ABLIM2: variants seen among roughly 807,000 people sequenced by gnomAD.
ABLIM2 encodes the protein actin binding LIM protein family member 2.
Under a neutral mutation model 97.7 loss-of-function variants are expected in ABLIM2, and 53 were observed. That is an observed-to-expected ratio of 0.54 (90% confidence interval 0.44 to 0.68). ABLIM2 has a LOEUF of 0.68. Among genes scored for constraint, ABLIM2 ranks in the 30% least tolerant of loss-of-function variants. ABLIM2 has a pLI of 0.00. For missense variants in ABLIM2, 835 were observed against 867.2 expected, an observed-to-expected ratio of 0.96 and a Z score of 0.47; for synonymous variants, 361 against 345.8, an observed-to-expected ratio of 1.04 and a Z score of -0.49.
intron 1 of ABLIM2, among the ~76,000 whole-genome samples, chr4:8,126,899 C>T (rs1848217000): frequency 6.6e-6 from 1 of 152,008 alleles, no homozygotes; most frequent in African/African-American, 2.4e-5. Flanking sequence ...GACCCCGTCT[C>T]TACTAAAAAA....
At chr4:7,981,958 C>T (rs977572961) in intron 20 of ABLIM2, among the ~76,000 whole-genome samples, 3 of 152,188 alleles carry the variant, frequency 2.0e-5, no homozygotes, top group Non-Finnish European at 2.9e-5. Flanking sequence ...TCAGGGGCTT[C>T]CCCGGGCCTG....
rs913693950 is a variant in ABLIM2, at chr4:8,004,319, C to A, written c.1618+3740G>T. Among the ~76,000 whole-genome samples, 1 of 152,174 alleles carries A rather than the reference C, an allele frequency of 6.6e-6. No homozygotes were observed. Among genetic ancestry groups the A allele is most frequent in the Non-Finnish European group, 1.5e-5 (1 of 68,040 alleles). On this transcript the variant is annotated intron_variant, in intron 16 of 20. Transcript: ENST00000447017. The surrounding 1 kb of genome is among the most constrained non-coding windows in gnomAD (Gnocchi z 5.9). ...CAGGTTGGGGGTGAAGTGCCCCCAA[C>A]TGGGGCCTCCCCTGTGCTGCTGCAG...
chr4:8,036,102 G>C, intron 10 of ABLIM2, 47 bp downstream of exon 10: 1 of 1,603,356 alleles, frequency 6.2e-7, no homozygotes, highest in South Asian at 1.1e-5. Flanking sequence ...CTGCAGGGCA[G>C]CACTTGGGGA....
intron 10 of ABLIM2, among the ~76,000 whole-genome samples, chr4:8,031,978 C>T (rs6414718): frequency 0.64 from 97,709 of 151,736 alleles, 31,599 homozygotes; most frequent in Admixed American, 0.71. Context: ...CCGCCCACCT[C>T]GGCCTCCCAA....
At chr4:7,973,326 C>T (rs7695963) in intron 20 of ABLIM2, among the ~76,000 whole-genome samples, 25,586 of 151,458 alleles carry the variant, frequency 0.17, 2,753 homozygotes, top group East Asian at 0.53. Flanking sequence ...CATGGCAAAA[C>T]CCCGTCTCTA....
chr4:8,126,386 T>C (rs1268455816), intron 1 of ABLIM2, among the ~76,000 whole-genome samples: 1 of 151,056 alleles, frequency 6.6e-6, no homozygotes, highest in Non-Finnish European at 1.5e-5. Context: ...TACCCCCTGC[T>C]CTGCTTCCAG....
At chr4:8,052,417 G>A (rs528626136) in intron 8 of ABLIM2, among the ~76,000 whole-genome samples, 3 of 152,358 alleles carry the variant, frequency 2.0e-5, no homozygotes, top group African/African-American at 7.2e-5. Context: ...AATGAATCAT[G>A]GACTGCAGCA....
chr4:8,143,940 G>T (rs969805668), intron 1 of ABLIM2, among the ~76,000 whole-genome samples: 1 of 152,118 alleles, frequency 6.6e-6, no homozygotes, highest in Non-Finnish European at 1.5e-5. Flanking sequence ...CTCGGGGAGC[G>T]GCAGGTCCTC....
At chr4:8,145,092 C>T (rs1382785197) in intron 1 of ABLIM2, among the ~76,000 whole-genome samples, 1 of 152,202 alleles carries the variant, frequency 6.6e-6, no homozygotes, top group African/African-American at 2.4e-5. Context: ...GGAGCAGTGA[C>T]ATCACCCCAC....
At chr4:8,028,087 C>G (rs866142341) in intron 11 of ABLIM2, among the ~76,000 whole-genome samples, 2 of 152,246 alleles carry the variant, frequency 1.3e-5, no homozygotes, top group Non-Finnish European at 2.9e-5. Context: ...TGCATAGGAG[C>G]CTTGGGCTGG....
Position 8,029,661 on chromosome 4 carries a change from C to T in ABLIM2, c.1163G>A (p.Arg388His), listed in dbSNP as rs377709298. ...GGAACCAGGGGGCCAAGTACCTGGA[C>T]GGCTGTAGTGCTGTGGTGACCGTGA... ...PTSRSPQHYS[R>H]PAGTVSVGTS... The change falls in exon 11 of 21, where the codon CGT becomes CAT. Residue 388 changes from arginine to histidine, a missense_variant. By Grantham distance (29) the Arg-to-His change is conservative. Coordinates refer to ENST00000447017, the MANE Select transcript of ABLIM2 (RefSeq NM_001130083.2). 151 of 1,536,248 alleles carry T rather than the reference C, an allele frequency of 9.8e-5. No individual in the cohort carries two copies. Among genetic ancestry groups the T allele is most frequent in the Middle Eastern group, 5.1e-4 (3 of 5,834 alleles).
rs1459643968 is a variant in ABLIM2, at chr4:8,005,788, G to A, written c.1618+2271C>T. ...TCCTGCTCAGAGGAAGTGGATGTTA[G>A]CACACCAGGAGAAAGCGAAGGAAGG... On this transcript the variant is annotated intron_variant, in intron 16 of 20. Coordinates refer to ENST00000447017, the MANE Select transcript of ABLIM2 (RefSeq NM_001130083.2). The surrounding 1 kb of genome is among the most constrained non-coding windows in gnomAD (Gnocchi z 4.9). Among the ~76,000 whole-genome samples the A allele has an allele frequency of 6.6e-6, 1 of 152,248 alleles. No homozygotes were observed. The highest frequency in any genetic ancestry group is 2.4e-5 in the African/African-American group (1 of 41,478).
chr4:8,072,412 C>G lies in ABLIM2; in HGVS notation c.675+5216G>C, dbSNP rs1434209456. ...CAGTTTGGGTGGGGTCTGCCCCCGACCCCAGGCCAGGGCCTCTCTGGTGTG... is the reference window on the plus strand; with the variant it reads ...CAGTTTGGGTGGGGTCTGCCCCCGAGCCCAGGCCAGGGCCTCTCTGGTGTG... On this transcript the variant is annotated intron_variant, in intron 6 of 20. Coordinates refer to ENST00000447017, the MANE Select transcript of ABLIM2 (RefSeq NM_001130083.2). This position sits in a 1 kb window ranked among gnomAD's most constrained non-coding sequence, Gnocchi z 5.8. 6.6e-6 allele frequency among the ~76,000 whole-genome samples: 1 copy of G among 152,200 alleles called. No individual in the cohort carries two copies. The highest frequency in any genetic ancestry group is 1.5e-5 in the Non-Finnish European group (1 of 68,048).
In ABLIM2 at chr4:8,077,711, G is replaced by T; in HGVS notation, c.592C>A (p.Pro198Thr). 1 of 1,611,836 alleles carries T rather than the reference G, an allele frequency of 6.2e-7. No individual in the cohort carries two copies. Among genetic ancestry groups the T allele is most frequent in the Middle Eastern group, 1.7e-4 (1 of 6,058 alleles). Reference protein sequence around the residue: ...NAEYISKDGLPYCEADYHAKF... With the variant: ...NAEYISKDGLTYCEADYHAKF... ...GCGTGATAGTCAGCTTCGCAGTAGG[G>T]CAGCCCATCCCTGCAATGAGACAGG... Residue 198 changes from proline (P) to threonine (T), a missense_variant, in exon 6 of 21, where the codon CCC becomes ACC. Physicochemically the swap from Pro to Thr is conservative, Grantham distance 38 (BLOSUM62 -1). Coordinates refer to ENST00000447017, the MANE Select transcript of ABLIM2 (RefSeq NM_001130083.2).
At chr4:8,057,388 C>T (rs868073000) in intron 7 of ABLIM2, among the ~76,000 whole-genome samples, 1 of 152,280 alleles carries the variant, frequency 6.6e-6, no homozygotes, top group Middle Eastern at 3.4e-3. Flanking sequence ...ACCTGGCCTC[C>T]TCTTTTGATC....
At position 8,087,226 on chromosome 4, in the gene ABLIM2, C is replaced by T. The variant is rs868629589; in HGVS notation, c.454+943G>A. ...GGCTTCTGCACCAGGTGCCTGGCAG[C>T]GGCGGGGCCTGGTTTGCTGGGCTTC... On this transcript the variant is annotated intron_variant, in intron 4 of 20. Transcript: ENST00000447017. The surrounding 1 kb of genome is among the most constrained non-coding windows in gnomAD (Gnocchi z 4.6). 5.3e-5 allele frequency among the ~76,000 whole-genome samples: 8 copies of T among 152,274 alleles called. No homozygotes were observed. In the Middle Eastern group the frequency reaches 0.017, roughly 324 times the overall value.
At position 7,986,734 on chromosome 4, in the gene ABLIM2, G is replaced by C. The variant is rs959161910; in HGVS notation, c.1681-1841C>G. The stretch of plus-strand genomic sequence containing the variant: ...GTCAGCCAAGCTGGAGTGCAATGGC[G>C]TGATCTCGGCTCAATGCAAACTCCA... On this transcript the variant is annotated intron_variant, in intron 17 of 20. Coordinates refer to ENST00000447017, the MANE Select transcript of ABLIM2 (RefSeq NM_001130083.2). This position sits in a 1 kb window ranked among gnomAD's most constrained non-coding sequence, Gnocchi z 4.3. Among the ~76,000 whole-genome samples the C allele has an allele frequency of 2.0e-5, 3 of 151,992 alleles. No individual in the cohort carries two copies. Among genetic ancestry groups the C allele is most frequent in the Non-Finnish European group, 4.4e-5 (3 of 68,000 alleles).
intron 3 of ABLIM2, among the ~76,000 whole-genome samples, chr4:8,090,052 G>A (rs989468942): frequency 6.6e-6 from 1 of 152,192 alleles, no homozygotes; most frequent in African/African-American, 2.4e-5. Flanking sequence ...GTGTTCCTGG[G>A]TTCCCACTGG....
At position 8,147,145 on chromosome 4, in the gene ABLIM2, CT is replaced by C. The variant is rs1851931491; in HGVS notation, c.10+11534del. Among the ~76,000 whole-genome samples, 1 of 152,218 alleles carries C rather than the reference CT, an allele frequency of 6.6e-6. No individual in the cohort carries two copies. ...TCAAAAGGCATGAATGTATTTAAGT[CT>C]CCATACATTTCACCTAACTGCTCCT... On this transcript the variant is annotated intron_variant, in intron 1 of 20. Coordinates refer to ENST00000447017, the MANE Select transcript of ABLIM2 (RefSeq NM_001130083.2). The surrounding 1 kb of genome is among the most constrained non-coding windows in gnomAD (Gnocchi z 5.3).
Sources: allele counts gnomAD v4.1 joint callset (sites outside exome capture counted in the v4.1 genomes callset), GRCh38; gene constraint gnomAD v4.1.1; non-coding constraint Gnocchi (gnomAD v3.1); transcripts MANE v1.5; gene names NCBI Gene and HGNC (gene_info 2026-07-23, HGNC 2026-07-21).